The following PTPRD variants were observed in gnomAD, a reference collection of about 807,000 sequenced individuals.
PTPRD encodes receptor-type tyrosine-protein phosphatase delta.
A neutral mutation model predicts 214.5 loss-of-function variants in PTPRD; 34 were observed. That is an observed-to-expected ratio of 0.16 (90% CI 0.12 to 0.21). PTPRD has a LOEUF of 0.21. PTPRD is among the 10% of genes least tolerant of loss of function. PTPRD has a pLI of 1.00. For missense variants in PTPRD, 2,545 were observed against 2,398.7 expected (o/e 1.06, Z -1.27); for synonymous variants, 1,128 against 845.7 (o/e 1.33, Z -5.79).
At chr9:8,756,422 T>A (rs997735988) in intron 11 of PTPRD, among the ~76,000 whole-genome samples, 10 of 152,194 alleles carry the variant, frequency 6.6e-5, no homozygotes, top group Admixed American at 6.5e-5. Context: ...ATGCATGGAA[T>A]AATCTTATTT....
At chr9:8,849,238 T>C (rs2570305) in intron 11 of PTPRD, among the ~76,000 whole-genome samples, 119,596 of 148,746 alleles carry the variant, frequency 0.8, 48,339 homozygotes, top group African/African-American at 0.89. Context: ...TGCATTGGTG[T>C]AATCTCAGTT....
intron 7 of PTPRD, among the ~76,000 whole-genome samples, chr9:9,664,649 G>A (rs1317754064): frequency 6.6e-6 from 1 of 151,720 alleles, no homozygotes; most frequent in Non-Finnish European, 1.5e-5. Context: ...CTGATCAGTA[G>A]AAGAATAAAT....
intron 9 of PTPRD, among the ~76,000 whole-genome samples, chr9:9,271,485 G>A (rs1229748372): frequency 1.3e-5 from 2 of 151,220 alleles, no homozygotes; most frequent in African/African-American, 2.4e-5. Context: ...TACTTGCACA[G>A]CAAGTGGTAA....
rs368313119 is a variant in PTPRD at position 10,595,842 on chromosome 9, G to A, written c.-600+16556C>T. Among the ~76,000 whole-genome samples, 5 of 151,702 alleles carry A rather than the reference G, an allele frequency of 3.3e-5. No individual in the cohort carries two copies. In the South Asian group the frequency reaches 1.0e-3, roughly 31 times the overall value. On this transcript the variant is annotated intron_variant, in intron 2 of 45. Transcript: ENST00000381196. ...ACTTTTTCCCTTATACATTTAAGAT[G>A]TTTTAAAAATTAAGAACATAATATG...
chr9:10,053,234 T>C (rs1388460986), intron 3 of PTPRD, among the ~76,000 whole-genome samples: 1 of 152,180 alleles, frequency 6.6e-6, no homozygotes, highest in Non-Finnish European at 1.5e-5. Flanking sequence ...AAGTGTACAA[T>C]AAGCATTGAA....
At chr9:9,053,957 T>A (rs1194365083) in intron 10 of PTPRD, among the ~76,000 whole-genome samples, 1 of 152,074 alleles carries the variant, frequency 6.6e-6, no homozygotes, top group Non-Finnish European at 1.5e-5. Flanking sequence ...ATTAAAAGAT[T>A]CCCCCTAAAT....
intron 37 of PTPRD, among the ~76,000 whole-genome samples, chr9:8,379,676 A>G (rs1196317791): frequency 3.9e-5 from 6 of 152,126 alleles, no homozygotes; most frequent in African/African-American, 1.4e-4. Flanking sequence ...GTATTTCTAG[A>G]GAGAGTTACT....
intron 10 of PTPRD, among the ~76,000 whole-genome samples, chr9:9,089,969 G>C (rs1286976084): frequency 6.6e-6 from 1 of 151,868 alleles, no homozygotes; most frequent in Non-Finnish European, 1.5e-5. Flanking sequence ...CATATTTATG[G>C]GGTATATGTG....
At chr9:10,342,040 C>G (rs1423272600) in intron 2 of PTPRD, among the ~76,000 whole-genome samples, 1 of 151,958 alleles carries the variant, frequency 6.6e-6, no homozygotes, top group Non-Finnish European at 1.5e-5. Flanking sequence ...AATTGTGGTT[C>G]TTGGAATAAA....
chr9:10,237,418 G>A (rs555994344), intron 3 of PTPRD, among the ~76,000 whole-genome samples: 2 of 151,930 alleles, frequency 1.3e-5, no homozygotes, highest in East Asian at 3.9e-4. Flanking sequence ...TAACCCTAGG[G>A]AAGTTCCTGA....
chr9:10,477,464 T>G (rs2099070510), intron 2 of PTPRD, among the ~76,000 whole-genome samples: 1 of 152,012 alleles, frequency 6.6e-6, no homozygotes, highest in Non-Finnish European at 1.5e-5. Flanking sequence ...TGGTGATCAT[T>G]AAAAAGTCAG....
intron 3 of PTPRD, among the ~76,000 whole-genome samples, chr9:10,047,668 C>T (rs1357413415): frequency 1.3e-5 from 2 of 151,952 alleles, no homozygotes; most frequent in South Asian, 2.1e-4. Context: ...TTCATTTTTT[C>T]TTATGGTGCA....
intron 8 of PTPRD, among the ~76,000 whole-genome samples, chr9:9,537,048 C>G (rs1003571421): frequency 2.8e-4 from 42 of 151,770 alleles, no homozygotes; most frequent in African/African-American, 1.0e-3. Flanking sequence ...AAAGTCCTTC[C>G]TCTCAATACC....
rs58321166 is a variant in PTPRD at position 10,041,512 on chromosome 9, A to AT, written c.-544-7723dup. Among the ~76,000 whole-genome samples, 667 of 149,976 alleles carry AT rather than the reference A, an allele frequency of 4.4e-3. 2 individuals are homozygous for AT. Among genetic ancestry groups the AT allele is most frequent in the African/African-American group, 0.012 (511 of 41,072 alleles). ...ATTATGTTTTAGAGCAACTATTTCA[A>AT]TTTTTTTTTTATTTTCTACTGTATA... is the stretch of plus-strand genomic sequence containing the variant. On this transcript the variant is annotated intron_variant, in intron 3 of 45. Transcript: ENST00000381196.
At chr9:8,540,464 A>G (rs2078119555) in intron 14 of PTPRD, among the ~76,000 whole-genome samples, 1 of 152,180 alleles carries the variant, frequency 6.6e-6, no homozygotes, top group Admixed American at 6.5e-5. Context: ...ATTGAGTGAT[A>G]ACTCAAGAGC....
chr9:9,419,760 G>T (rs1365571232), intron 8 of PTPRD, among the ~76,000 whole-genome samples: 1 of 151,614 alleles, frequency 6.6e-6, no homozygotes, highest in East Asian at 1.9e-4. Flanking sequence ...TTAACAGCAA[G>T]AAATTCATTA....
intron 5 of PTPRD, among the ~76,000 whole-genome samples, chr9:9,817,247 C>A (rs1324068737): frequency 6.6e-6 from 1 of 152,120 alleles, no homozygotes; most frequent in African/African-American, 2.4e-5. Context: ...TAACAACTAA[C>A]TACAACGATT....
chr9:8,731,511 A>G (rs1374312378), intron 12 of PTPRD, among the ~76,000 whole-genome samples: 1 of 152,244 alleles, frequency 6.6e-6, no homozygotes, highest in Non-Finnish European at 1.5e-5. Context: ...TAGTGAATAA[A>G]TCAAATTTTT....
chr9:9,970,382 G>T (rs2095013659), intron 4 of PTPRD, among the ~76,000 whole-genome samples: 1 of 146,228 alleles, frequency 6.8e-6, no homozygotes, highest in Non-Finnish European at 1.5e-5. Context: ...CCCGGGAGGC[G>T]GAGCTTGCAG....
Sources: gnomAD v4.1 joint callset for allele counts (sites outside exome capture counted in the v4.1 genomes callset) on GRCh38, gnomAD v4.1.1 for gene constraint, MANE v1.5 for transcripts, NCBI Gene and HGNC (gene_info 2026-07-23, HGNC 2026-07-21) for gene names.